PLK4: variants seen among roughly 807,000 people sequenced by gnomAD.
PLK4 encodes the protein polo like kinase 4.
In PLK4, 51 loss-of-function variants were observed where a neutral mutation model predicts 103.0. The observed-to-expected ratio is 0.50, with a 90% CI of 0.40 to 0.63. PLK4 has a LOEUF of 0.63. Among genes scored for constraint, PLK4 ranks in the 20% least tolerant of loss-of-function variants. PLK4 has a pLI of 0.00. For missense variants in PLK4, 1,054 were observed against 1,151.0 expected, an observed-to-expected ratio of 0.92 and a Z score of 1.22; for synonymous variants, 389 against 376.8, an observed-to-expected ratio of 1.03 and a Z score of -0.38.
intron 15 of PLK4, among the ~76,000 whole-genome samples, chr4:127,897,164 G>A (rs1379603494): frequency 6.6e-6 from 1 of 152,110 alleles, no homozygotes. Context: ...CTGTTCCATA[G>A]TGTAACTCGA....
At position 127,886,568 on chromosome 4, in the gene PLK4, C is replaced by G; in HGVS notation, c.1198C>G (p.His400Asp). 1 of 1,614,118 alleles carries G rather than the reference C, an allele frequency of 6.2e-7. No homozygotes were observed. Residue 400 changes from histidine (H) to aspartate (D), a missense_variant, in exon 5 of 16, where the codon CAC becomes GAC. Transcript: ENST00000270861. ...QAKTYTMERC[H>D]SAEMLSVSKR... ...AAAAACATATACAATGGAACGATGT[C>G]ACTCAGCAGAAATGCTTTCAGTGTC...
chr4:127,881,296 A>G (rs1221157037), intron 1 of PLK4, 132 bp downstream of exon 1: 4 of 1,545,596 alleles, frequency 2.6e-6, no homozygotes, highest in Non-Finnish European at 3.5e-6. Context: ...GGAGGGTCCC[A>G]ACGGCCCAGA....
intron 12 of PLK4, 30 bp from the exon 13 acceptor site, chr4:127,893,704 A>T (rs1413998498): frequency 9.4e-6 from 15 of 1,599,620 alleles, no homozygotes; most frequent in Non-Finnish European, 1.3e-5. Flanking sequence ...GAAAGCTTCA[A>T]GGGAATATAT....
intron 7 of PLK4, 35 bp downstream of exon 7, chr4:127,890,271 AT>A: frequency 6.6e-7 from 1 of 1,506,000 alleles, no homozygotes; most frequent in Non-Finnish European, 9.0e-7. Flanking sequence ...ACTAAATAAC[AT>A]TTTACTTGAG....
In PLK4 at chr4:127,893,516, C is replaced by T; in HGVS notation, c.2326C>T (p.His776Tyr). The change falls in exon 12 of 16, where the codon CAT becomes TAT. Residue 776 changes from histidine (H) to tyrosine (Y), a missense_variant. Transcript: ENST00000270861. The part of the protein sequence containing the change: ...KMYMDHANEG[H>Y]RICLALESII... The stretch of plus-strand genomic sequence containing the variant: ...AAGCACTCTTCTTTTGAAATAGGGT[C>T]ATCGTATTTGTTTAGCACTGGAATC... The T allele has an allele frequency of 1.9e-6, 3 of 1,609,454 alleles. No individual in the cohort carries two copies. Among genetic ancestry groups the T allele is most frequent in the Non-Finnish European group, 2.5e-6 (3 of 1,177,446 alleles).
intron 10 of PLK4, 152 bp from the exon 11 acceptor site, chr4:127,893,133 G>T: frequency 2.0e-6 from 1 of 488,968 alleles, no homozygotes. Flanking sequence ...TTTATTGAAT[G>T]CTTTGATAGT....
Position 127,892,529 on chromosome 4 carries a change from G to A in PLK4, c.2188+15G>A. ...GTTTTATGATGGTAAGTACCATTTG[G>A]AAATGGTAATTTGTTCCTTTAGTTT... is the stretch of plus-strand genomic sequence containing the variant. On this transcript the variant is annotated intron_variant, in intron 10 of 15. Coordinates refer to ENST00000270861, the MANE Select transcript of PLK4 (RefSeq NM_014264.5). 1 of 1,590,172 alleles carries A rather than the reference G, an allele frequency of 6.3e-7. No individual in the cohort carries two copies. Among genetic ancestry groups the A allele is most frequent in the African/African-American group, 1.3e-5 (1 of 74,084 alleles).
chr4:127,885,081 T>C (rs1334069258), intron 4 of PLK4, among the ~76,000 whole-genome samples: 1 of 152,120 alleles, frequency 6.6e-6, no homozygotes, highest in Non-Finnish European at 1.5e-5. Context: ...GTTACCCTAA[T>C]GACTCTCAGT....
chr4:127,898,780 A>G lies in PLK4; in HGVS notation c.*239A>G, dbSNP rs763326746. The G allele has an allele frequency of 2.3e-5, 8 of 344,148 alleles. No individual in the cohort carries two copies. The highest frequency in any genetic ancestry group is 3.6e-5 in the Non-Finnish European group (7 of 192,166). 21.3% of individuals were successfully genotyped at this position (344,148 alleles called of 1,614,324 possible). On this transcript the variant is annotated 3_prime_UTR_variant, in exon 16 of 16. Transcript: ENST00000270861. ...TTTGCTCTTAGACCATAACCCCCGA[A>G]CTTACTATGTTCATATATTTGTATT...
chr4:127,881,816 A>AT lies in PLK4; in HGVS notation c.31-11dup, dbSNP rs1201820153. On this transcript the variant is annotated splice_polypyrimidine_tract_variant and intron_variant, in intron 1 of 15. Transcript: ENST00000270861. ...TGTGAGTCATCACACATAATCTTTA[A>AT]TTTTAACTTTTAAGGATTTTAAAGT... The AT allele has an allele frequency of 2.7e-6, 4 of 1,470,160 alleles. No homozygotes were observed. In the South Asian group the frequency reaches 4.5e-5, roughly 17 times the overall value. 91.1% of individuals were successfully genotyped at this position (1,470,160 alleles called of 1,614,324 possible).
chr4:127,881,404 C>T lies in PLK4; in HGVS notation c.30+240C>T, dbSNP rs1319069605. 8 of 1,415,494 alleles carry T rather than the reference C, an allele frequency of 5.7e-6. No homozygotes were observed. The East Asian group carries it at 1.0e-4, about 18-fold the overall frequency. The allele number at this position is 1,415,494 out of a possible 1,614,324, so 87.7% of individuals were successfully genotyped here. A position where few individuals can be genotyped will look rare whatever the true frequency, so the allele number is the denominator to read the frequency against. On this transcript the variant is annotated intron_variant, in intron 1 of 15. Coordinates refer to ENST00000270861, the MANE Select transcript of PLK4 (RefSeq NM_014264.5). ...CTCCCCGCCCGGCAGTGTCCCGAGG[C>T]ACTGCGGCTTTCTTTCAGCAATCCC...
chr4:127,896,016 T>C (rs1735554037), intron 14 of PLK4, among the ~76,000 whole-genome samples: 1 of 152,230 alleles, frequency 6.6e-6, no homozygotes, highest in Non-Finnish European at 1.5e-5. Flanking sequence ...GCCTGACACA[T>C]GTACTTTTAC....
intron 2 of PLK4, among the ~76,000 whole-genome samples, chr4:127,882,173 A>G (rs1734957927): frequency 6.6e-6 from 1 of 152,176 alleles, no homozygotes; most frequent in Non-Finnish European, 1.5e-5. Flanking sequence ...TGGTGTAATT[A>G]TCCATACTTG....
At chr4:127,889,844 C>T in intron 6 of PLK4, 22 bp from the exon 7 acceptor site, 1 of 1,504,252 alleles carries the variant, frequency 6.6e-7, no homozygotes, top group Non-Finnish European at 8.9e-7. Flanking sequence ...TACTAAATTG[C>T]TTCATTCTAT....
chr4:127,891,147 C>A lies in PLK4; in HGVS notation c.1886C>A (p.Ser629Tyr). 6.3e-7 allele frequency: 1 copy of A among 1,591,662 alleles called. No individual in the cohort carries two copies. Among genetic ancestry groups the A allele is most frequent in the South Asian group, 1.1e-5 (1 of 88,926 alleles). ...VCVELVKEYA[S>Y]QEYVKEVLQI... The stretch of plus-strand genomic sequence containing the variant: ...GTGGAGCTTGTAAAGGAGTATGCAT[C>A]TCAAGAATATGTGAAAGAAGTTCTT... The change falls in exon 8 of 16, where the codon TCT (serine) becomes TAT (tyrosine). Residue 629 changes from serine to tyrosine, a missense_variant. By Grantham distance (144) the Ser-to-Tyr change is moderately radical. Around this residue, in one of 4 missense-constraint regions of PLK4, gnomAD observed 680 missense variants for 660.3 expected, o/e 1.03. Transcript: ENST00000270861.
In PLK4 at chr4:127,887,413, C is replaced by A; in HGVS notation, c.1376C>A (p.Pro459Gln). ...NNQALSNHLC[P>Q]GKTPFPFADP... ...TTGTTTAGCTCCAATCATCTTTGTC[C>A]AGGAAAAACTCCTTTTCCATTTGCA... is the stretch of plus-strand genomic sequence containing the variant. Residue 459 changes from proline (P) to glutamine (Q), a missense_variant, in exon 6 of 16, where the codon CCA (proline) becomes CAA (glutamine). Physicochemically the swap from Pro to Gln is moderately conservative, Grantham distance 76 (BLOSUM62 -1). Coordinates refer to ENST00000270861, the MANE Select transcript of PLK4 (RefSeq NM_014264.5). The A allele has an allele frequency of 1.2e-6, 2 of 1,606,204 alleles. No homozygotes were observed.
chr4:127,890,643 T>A (rs1246275757), intron 7 of PLK4, among the ~76,000 whole-genome samples: 2 of 152,132 alleles, frequency 1.3e-5, no homozygotes, highest in Non-Finnish European at 2.9e-5. Context: ...ATAACTTTTA[T>A]TTTTTTAGCT....
chr4:127,898,414 T>C, intron 15 of PLK4, 25 bp from the exon 16 acceptor site: 1 of 1,057,450 alleles, frequency 9.5e-7, no homozygotes, highest in South Asian at 1.3e-5. Flanking sequence ...TACGATTTTG[T>C]CTTTTTTTCT....
rs539129351 is a variant in PLK4 at position 127,884,850 on chromosome 4, G to C, written c.338-858G>C. 1.8e-3 allele frequency among the ~76,000 whole-genome samples: 279 copies of C among 152,180 alleles called. 2 individuals carry two copies. Among genetic ancestry groups the C allele is most frequent in the African/African-American group, 6.3e-3 (262 of 41,512 alleles). ...AGCTACTCAGGAAGCTGAGGCAGGA[G>C]AATTGCTTGAACCCGGGAGGCAGAG... On this transcript the variant is annotated intron_variant, in intron 4 of 15. Coordinates refer to ENST00000270861, the MANE Select transcript of PLK4 (RefSeq NM_014264.5).
Sources: gnomAD v4.1 joint callset for allele counts (sites outside exome capture counted in the v4.1 genomes callset) on GRCh38, gnomAD v4.1.1 for gene constraint, gnomAD v4.1.1 regional missense constraint, MANE v1.5 for transcripts, NCBI Gene and HGNC (gene_info 2026-07-23, HGNC 2026-07-21) for gene names.